Variants in KCNB2 observed in about 807,000 individuals in gnomAD.
KCNB2 encodes the protein potassium voltage-gated channel subfamily B member 2, also known as delayed rectifier potassium channel protein.
A neutral mutation model predicts 61.5 loss-of-function variants in KCNB2; 15 were observed. That is an observed-to-expected ratio of 0.24 (90% confidence interval 0.16 to 0.38). The LOEUF (loss-of-function observed/expected upper bound fraction) is 0.38, where lower values mean the gene tolerates loss of function less well. Ranked by LOEUF, KCNB2 falls within the 10% of genes least tolerant of loss-of-function variation. KCNB2 has a pLI of 1.00. For synonymous variants in KCNB2, 457 were observed against 446.0 expected (o/e 1.02, Z -0.31); for missense variants, 828 against 1,125.2 (o/e 0.74, Z 3.78).
At chr8:72,599,308 A>C (rs556122472) in intron 2 of KCNB2, among the ~76,000 whole-genome samples, 1 of 152,198 alleles carries the variant, frequency 6.6e-6, no homozygotes, top group Non-Finnish European at 1.5e-5. Context: ...ATCTACAACT[A>C]TCTGATCTTT....
At chr8:72,914,900 A>C (rs1008657595) in intron 2 of KCNB2, among the ~76,000 whole-genome samples, 2 of 151,302 alleles carry the variant, frequency 1.3e-5, no homozygotes, top group Non-Finnish European at 2.9e-5. Flanking sequence ...ATAAATGACT[A>C]ATCTTCTTTT....
chr8:72,600,337 A>G (rs991752211), intron 2 of KCNB2, among the ~76,000 whole-genome samples: 1 of 152,040 alleles, frequency 6.6e-6, no homozygotes, highest in African/African-American at 2.4e-5. Flanking sequence ...GCAAACTATC[A>G]CAAGGACAAA....
chr8:72,618,127 G>A (rs1805650726), intron 2 of KCNB2, among the ~76,000 whole-genome samples: 1 of 152,032 alleles, frequency 6.6e-6, no homozygotes, highest in East Asian at 1.9e-4. Flanking sequence ...AATGCCTACC[G>A]AGATGGCAAT....
intron 2 of KCNB2, among the ~76,000 whole-genome samples, chr8:72,718,330 T>G: frequency 6.6e-6 from 1 of 152,100 alleles, no homozygotes; most frequent in Non-Finnish European, 1.5e-5. Flanking sequence ...ACCCAAAGGA[T>G]TATAAATCAT....
At chr8:72,818,159 A>C (rs1365150757) in intron 2 of KCNB2, among the ~76,000 whole-genome samples, 1 of 152,150 alleles carries the variant, frequency 6.6e-6, no homozygotes, top group Non-Finnish European at 1.5e-5. Context: ...AGGGAAATTT[A>C]TCCTCCAACA....
At chr8:72,550,463 G>C (rs1364150853) in intron 1 of KCNB2, among the ~76,000 whole-genome samples, 3 of 152,196 alleles carry the variant, frequency 2.0e-5, no homozygotes, top group African/African-American at 7.2e-5. Flanking sequence ...CCCTTGCAGT[G>C]CTAATTGCAG....
chr8:72,573,326 G>A (rs1049099402), intron 2 of KCNB2, among the ~76,000 whole-genome samples: 2 of 152,274 alleles, frequency 1.3e-5, no homozygotes, highest in African/African-American at 2.4e-5. Flanking sequence ...CTTTCAGTTC[G>A]AGAACAGAAC....
chr8:72,819,928 T>G (rs995092862), intron 2 of KCNB2, among the ~76,000 whole-genome samples: 2 of 152,146 alleles, frequency 1.3e-5, no homozygotes, highest in Non-Finnish European at 2.9e-5. Context: ...TGTCTTCATA[T>G]TCTCCTACCA....
chr8:72,662,035 T>C (rs11992033), intron 2 of KCNB2, among the ~76,000 whole-genome samples: 2,069 of 152,344 alleles, frequency 0.014, 36 homozygotes, highest in African/African-American at 0.048. Flanking sequence ...GAATTTGATG[T>C]CTTCTCCTTG....
chr8:72,835,778 T>C (rs1307583262), intron 2 of KCNB2, among the ~76,000 whole-genome samples: 3 of 152,152 alleles, frequency 2.0e-5, no homozygotes, highest in African/African-American at 7.2e-5. Context: ...CATTGCAAAT[T>C]CACTTATAGA....
At chr8:72,887,228 C>G (rs992974067) in intron 2 of KCNB2, among the ~76,000 whole-genome samples, 1 of 152,194 alleles carries the variant, frequency 6.6e-6, no homozygotes, top group Non-Finnish European at 1.5e-5. Flanking sequence ...TTGTCTAATA[C>G]AAATGCAGTC....
intron 2 of KCNB2, among the ~76,000 whole-genome samples, chr8:72,657,514 A>G (rs1806310324): frequency 6.6e-6 from 1 of 152,132 alleles, no homozygotes; most frequent in Admixed American, 6.6e-5. Flanking sequence ...AACAGCAACA[A>G]TTGAAATATC....
rs549906612 is a variant in KCNB2 at position 72,644,242 on chromosome 8, AG to A, written c.579+75930del. ...ACCACATTAAACCCTGATTTTAAAA[AG>A]TTCACCCCCCCCTTCTCTTTAGATG... On this transcript the variant is annotated intron_variant, in intron 2 of 2. Transcript: ENST00000523207. 7.9e-5 allele frequency among the ~76,000 whole-genome samples: 12 copies of A among 151,970 alleles called. No homozygotes were observed. In the East Asian group the frequency reaches 2.3e-3, roughly 29 times the overall value.
At chr8:72,638,079 G>A (rs1348243279) in intron 2 of KCNB2, among the ~76,000 whole-genome samples, 1 of 151,992 alleles carries the variant, frequency 6.6e-6, no homozygotes, top group Non-Finnish European at 1.5e-5. Flanking sequence ...GTGATAAAAT[G>A]AATGGAAAGC....
At chr8:72,600,734 T>C (rs1320652997) in intron 2 of KCNB2, among the ~76,000 whole-genome samples, 1 of 151,840 alleles carries the variant, frequency 6.6e-6, no homozygotes, top group Non-Finnish European at 1.5e-5. Context: ...AACTAACAGA[T>C]GAACAGAAAA....
At chr8:72,842,120 AG>A (rs1563401334) in intron 2 of KCNB2, among the ~76,000 whole-genome samples, 1 of 5,468 alleles carries the variant, frequency 1.8e-4, no homozygotes, top group African/African-American at 3.5e-4. Context: ...TAGTTTATTG[AG>A]AGTTGAGAGT....
intron 2 of KCNB2, among the ~76,000 whole-genome samples, chr8:72,678,106 T>A (rs187209501): frequency 5.3e-5 from 8 of 152,288 alleles, no homozygotes; most frequent in South Asian, 2.1e-4. Context: ...TTTGGACACA[T>A]CCTTAGCCCT....
chr8:72,896,731 G>C (rs2129006295), intron 2 of KCNB2, among the ~76,000 whole-genome samples: 1 of 152,148 alleles, frequency 6.6e-6, no homozygotes, highest in African/African-American at 2.4e-5. Context: ...TTCTCACTGT[G>C]CTTTTTCAAA....
At chr8:72,814,277 G>A (rs1299885442) in intron 2 of KCNB2, among the ~76,000 whole-genome samples, 1 of 152,132 alleles carries the variant, frequency 6.6e-6, no homozygotes, top group African/African-American at 2.4e-5. Flanking sequence ...CCAGTTTGGA[G>A]CTATTGTGAA....
Sources: gnomAD v4.1 joint callset for allele counts (sites outside exome capture counted in the v4.1 genomes callset) on GRCh38, gnomAD v4.1.1 for gene constraint, MANE v1.5 for transcripts, NCBI Gene and HGNC (gene_info 2026-07-23, HGNC 2026-07-21) for gene names.